The following LHFPL3 variants were observed in gnomAD, a reference collection of about 807,000 sequenced individuals.
LHFPL3 encodes LHFPL tetraspan subfamily member 3 protein.
Under a neutral mutation model 19.3 loss-of-function variants are expected in LHFPL3, and 5 were observed. The observed-to-expected ratio is 0.26, with a 90% CI of 0.14 to 0.54. The LOEUF (loss-of-function observed/expected upper bound fraction) is 0.54, where lower values mean the gene tolerates loss of function less well. Ranked by LOEUF, LHFPL3 falls within the 20% of genes least tolerant of loss-of-function variation. The pLI is 0.94. For synonymous variants in LHFPL3, 133 were observed against 126.2 expected, an observed-to-expected ratio of 1.05 and a Z score of -0.36; for missense variants, 249 against 307.4, an observed-to-expected ratio of 0.81 and a Z score of 1.42.
chr7:104,356,027 G>A (rs1212575393), intron 1 of LHFPL3, among the ~76,000 whole-genome samples: 1 of 152,138 alleles, frequency 6.6e-6, no homozygotes, highest in Non-Finnish European at 1.5e-5. Flanking sequence ...AATATGGTAG[G>A]CATTAATAAC....
intron 1 of LHFPL3, among the ~76,000 whole-genome samples, chr7:104,361,723 T>C (rs1790393487): frequency 6.6e-6 from 1 of 152,210 alleles, no homozygotes; most frequent in Non-Finnish European, 1.5e-5. Context: ...ACAAAAATAA[T>C]TAAGATCTGA....
intron 1 of LHFPL3, among the ~76,000 whole-genome samples, chr7:104,598,898 T>A (rs527386093): frequency 6.6e-6 from 1 of 152,320 alleles, no homozygotes; most frequent in South Asian, 2.1e-4. Context: ...ATTCCCTCAG[T>A]TTTTTAGAGA....
intron 1 of LHFPL3, among the ~76,000 whole-genome samples, chr7:104,363,954 G>A (rs1047845532): frequency 6.6e-6 from 1 of 152,138 alleles, no homozygotes; most frequent in Non-Finnish European, 1.5e-5. Context: ...GATCATCAAG[G>A]CTTGGAATAT....
At chr7:104,594,589 G>C (rs992435663) in intron 1 of LHFPL3, among the ~76,000 whole-genome samples, 2 of 152,122 alleles carry the variant, frequency 1.3e-5, no homozygotes, top group Admixed American at 6.5e-5. Flanking sequence ...GGCCTGCCTT[G>C]CTGTATTGGG....
intron 1 of LHFPL3, among the ~76,000 whole-genome samples, chr7:104,680,555 T>C (rs1792676210): frequency 6.6e-6 from 1 of 152,174 alleles, no homozygotes; most frequent in Non-Finnish European, 1.5e-5. Flanking sequence ...ATCATACCCA[T>C]TATCCCTCAA....
In LHFPL3 at chr7:104,328,700, G is replaced by T; in HGVS notation, c.-80G>T. On this transcript the variant is annotated 5_prime_UTR_variant, in exon 1 of 3. Coordinates refer to ENST00000424859, the MANE Select transcript of LHFPL3 (RefSeq NM_199000.3). The surrounding 1 kb of genome is among the most constrained non-coding windows in gnomAD (Gnocchi z 4.6). Reference sequence around the variant, plus strand: ...GGGGAGTTGCAGCGCGCGAGGCTCCGTGAGTGTGTCTCCTGCGCGCTGAGA... The same window carrying T: ...GGGGAGTTGCAGCGCGCGAGGCTCCTTGAGTGTGTCTCCTGCGCGCTGAGA... 7.7e-7 allele frequency: 1 copy of T among 1,294,780 alleles called. No individual in the cohort carries two copies. The highest frequency in any genetic ancestry group is 1.3e-5 in the South Asian group (1 of 74,482). 80.2% of individuals were successfully genotyped at this position (1,294,780 alleles called of 1,614,324 possible).
intron 1 of LHFPL3, chr7:104,668,264 T>G: frequency 6.2e-7 from 1 of 1,610,668 alleles, no homozygotes; most frequent in Non-Finnish European, 8.5e-7. Context: ...ACGTTGCTGA[T>G]CAAGCACTGG....
At chr7:104,472,513 C>T (rs1026778451) in intron 1 of LHFPL3, among the ~76,000 whole-genome samples, 2 of 152,158 alleles carry the variant, frequency 1.3e-5, no homozygotes, top group African/African-American at 4.8e-5. Flanking sequence ...ACTATAGCAT[C>T]CTCATGCATA....
chr7:104,734,010 G>C (rs978833778), intron 1 of LHFPL3, among the ~76,000 whole-genome samples: 1 of 152,098 alleles, frequency 6.6e-6, no homozygotes, highest in African/African-American at 2.4e-5. Context: ...TGAAATTCTG[G>C]GTTGAAAATT....
At chr7:104,509,062 A>C (rs1244306237) in intron 1 of LHFPL3, among the ~76,000 whole-genome samples, 1 of 152,130 alleles carries the variant, frequency 6.6e-6, no homozygotes, top group Non-Finnish European at 1.5e-5. Context: ...TGAATTAGAT[A>C]ATTTTAATGT....
intron 1 of LHFPL3, among the ~76,000 whole-genome samples, chr7:104,514,367 T>A (rs1184923898): frequency 2.6e-5 from 4 of 152,168 alleles, no homozygotes; most frequent in African/African-American, 9.6e-5. Context: ...TTTATCATTA[T>A]CTCATTAGTA....
chr7:104,395,248 A>T (rs1303647980), intron 1 of LHFPL3, among the ~76,000 whole-genome samples: 1 of 152,168 alleles, frequency 6.6e-6, no homozygotes, highest in African/African-American at 2.4e-5. Flanking sequence ...TAAAAAATTA[A>T]ATCTAACTTT....
intron 1 of LHFPL3, among the ~76,000 whole-genome samples, chr7:104,613,177 A>G (rs1035770267): frequency 6.6e-6 from 1 of 152,206 alleles, no homozygotes; most frequent in Non-Finnish European, 1.5e-5. Flanking sequence ...CTGGCAAAGT[A>G]CCGTCCTGCT....
chr7:104,669,913 G>C (rs1298589046), intron 1 of LHFPL3, among the ~76,000 whole-genome samples: 1 of 152,166 alleles, frequency 6.6e-6, no homozygotes, highest in Non-Finnish European at 1.5e-5. Context: ...ATAACGCCTG[G>C]AACCTGGTTG....
intron 1 of LHFPL3, among the ~76,000 whole-genome samples, chr7:104,702,198 C>T (rs1793116843): frequency 6.6e-6 from 1 of 152,152 alleles, no homozygotes. Context: ...CTGTAAGGGA[C>T]ATGAACTCAT....
intron 1 of LHFPL3, among the ~76,000 whole-genome samples, chr7:104,516,030 G>T (rs1388724832): frequency 1.3e-5 from 2 of 151,964 alleles, no homozygotes; most frequent in African/African-American, 2.4e-5. Context: ...TTATTAGTCT[G>T]TTCTCATGCT....
chr7:104,374,193 T>G (rs1790663768), intron 1 of LHFPL3, among the ~76,000 whole-genome samples: 1 of 122,632 alleles, frequency 8.2e-6, no homozygotes, highest in Admixed American at 7.6e-5. Flanking sequence ...CTATTATCTA[T>G]CTATCTATCT....
At chr7:104,496,124 C>T (rs1456338870) in intron 1 of LHFPL3, among the ~76,000 whole-genome samples, 2 of 152,162 alleles carry the variant, frequency 1.3e-5, no homozygotes, top group African/African-American at 4.8e-5. Flanking sequence ...CCTCCTTCCC[C>T]CCACCCCACA....
intron 1 of LHFPL3, among the ~76,000 whole-genome samples, chr7:104,565,854 A>G (rs1243196361): frequency 6.6e-6 from 1 of 152,108 alleles, no homozygotes; most frequent in Non-Finnish European, 1.5e-5. Context: ...CGATTAGTCA[A>G]CAGAAACTCT....
Sources: gnomAD v4.1 joint callset for allele counts (sites outside exome capture counted in the v4.1 genomes callset) on GRCh38, gnomAD v4.1.1 for gene constraint, Gnocchi (gnomAD v3.1) non-coding constraint, MANE v1.5 for transcripts, NCBI Gene and HGNC (gene_info 2026-07-23, HGNC 2026-07-21) for gene names.